TLR8: variants seen among roughly 807,000 people sequenced by gnomAD.
The protein encoded by TLR8 is toll like receptor 8.
Under a neutral mutation model 18.5 loss-of-function variants are expected in TLR8, and 5 were observed. The ratio of observed to expected loss-of-function variants is 0.27; its 90% CI spans 0.14 to 0.57. The LOEUF is 0.57. Among genes scored for constraint, TLR8 ranks in the 20% least tolerant of loss-of-function variants. TLR8 has a pLI of 0.92. For synonymous variants in TLR8, 299 were observed against 300.1 expected (o/e 1.00, Z 0.04); for missense variants, 543 against 769.8 (o/e 0.71, Z 3.49).
intron 1 of TLR8, among the ~76,000 whole-genome samples, chrX:12,916,161 C>T (rs1484690138): frequency 8.9e-6 from 1 of 111,972 alleles, no homozygotes; most frequent in Non-Finnish European, 1.9e-5. Context: ...TTATGGAAAT[C>T]TTCCCCAGTT....
chrX:12,914,685 T>C (rs1177916959), intron 1 of TLR8, among the ~76,000 whole-genome samples: 1 of 111,177 alleles, frequency 9.0e-6, no homozygotes, highest in Non-Finnish European at 1.9e-5. Context: ...AAATATCTCT[T>C]GAACGCGTTC....
chrX:12,909,295 T>A (rs2147253256), intron 1 of TLR8, among the ~76,000 whole-genome samples: 1 of 112,327 alleles, frequency 8.9e-6, no homozygotes, highest in Non-Finnish European at 1.9e-5. Context: ...TATGCATTTG[T>A]TTTTTAGCCC....
chrX:12,915,588 G>A (rs756717092), intron 1 of TLR8, among the ~76,000 whole-genome samples: 109 of 112,660 alleles, frequency 9.7e-4, no homozygotes, highest in African/African-American at 3.3e-3. Flanking sequence ...GAACCTCAAC[G>A]ACATCTCCAT....
In TLR8 at chrX:12,919,055, C is replaced by T; in HGVS notation, c.15C>T (p.Phe5=). The T allele has an allele frequency of 5.8e-6, 7 of 1,198,735 alleles. No individual in the cohort carries two copies. The South Asian group carries it at 1.3e-4, about 22-fold the overall frequency. ...TTGATTTTCCTTAGGAAAACATGTT[C>T]CTTCAGTCGTCAATGCTGACCTGCA... MENM[F]LQSSMLTCIF... The change falls in exon 2 of 2, where the codon TTC becomes TTT. Residue 5 remains phenylalanine, a synonymous_variant. Transcript: ENST00000218032.
chrX:12,911,523 C>T (rs1158960666), intron 1 of TLR8, among the ~76,000 whole-genome samples: 2 of 111,540 alleles, frequency 1.8e-5, no homozygotes, highest in Non-Finnish European at 3.8e-5. Context: ...TCAGGGCCCA[C>T]CTTAATTCAG....
chrX:12,918,205 G>C (rs1285710219), intron 1 of TLR8, among the ~76,000 whole-genome samples: 1 of 111,517 alleles, frequency 9.0e-6, no homozygotes, highest in Non-Finnish European at 1.9e-5. Flanking sequence ...TGTCACCATA[G>C]AAGTATAGAA....
intron 1 of TLR8, among the ~76,000 whole-genome samples, chrX:12,911,048 G>A (rs932562741): frequency 1.8e-5 from 2 of 109,867 alleles, no homozygotes; most frequent in Admixed American, 9.7e-5. Flanking sequence ...TCTGGACCAC[G>A]AAGACCCAGT....
Position 12,919,149 on chromosome X carries a change from G to C in TLR8, c.109G>C (p.Asp37His). 8.3e-7 allele frequency: 1 copy of C among 1,211,930 alleles called. No individual in the cohort carries two copies. ...AAATTTTTCTAGAAGCTATCCTTGT[G>C]ATGAGAAAAAGCAAAATGACTCAGT... ...EENFSRSYPC[D>H]EKKQNDSVIA... The change falls in exon 2 of 2, where the codon GAT becomes CAT. Residue 37 changes from aspartate (D) to histidine (H), a missense_variant. This residue lies in a region of TLR8 where 117 missense variants were observed against 111.0 expected (regional missense o/e 1.05). Transcript: ENST00000218032.
chrX:12,919,280 T>C lies in TLR8; in HGVS notation c.240T>C (p.Asn80=), dbSNP rs768531771. The C allele has an allele frequency of 8.3e-7, 1 of 1,211,793 alleles. No individual in the cohort carries two copies. Among genetic ancestry groups the C allele is most frequent in the South Asian group, 1.8e-5 (1 of 57,017 alleles). ...ATAATTTCATCACACACATAACGAA[T>C]GAATCATTTCAAGGGCTGCAAAATC... The part of the protein sequence containing the change: ...LSDNFITHIT[N]ESFQGLQNLT... The change falls in exon 2 of 2, where the codon AAT becomes AAC. Residue 80 remains asparagine, a synonymous_variant. Coordinates refer to ENST00000218032, the MANE Select transcript of TLR8 (RefSeq NM_138636.5).
chrX:12,910,394 G>A (rs764639681), intron 1 of TLR8: 2 of 1,166,181 alleles, frequency 1.7e-6, no homozygotes, highest in Admixed American at 2.6e-5. Context: ...GAATGAAGGA[G>A]TCATCTTTGC....
Position 12,920,206 on chromosome X carries a change from C to A in TLR8, c.1166C>A (p.Pro389His). 1 of 1,209,631 alleles carries A rather than the reference C, an allele frequency of 8.3e-7. No homozygotes were observed. Among genetic ancestry groups the A allele is most frequent in the Non-Finnish European group, 1.1e-6 (1 of 894,229 alleles). The part of the protein sequence containing the change: ...FQELREDDFQ[P>H]LMQLPNLSTI... ...GAACTCAGAGAAGATGATTTCCAGCCCCTGATGCAGCTTCCAAACTTATCG... is the reference window on the plus strand; with the variant it reads ...GAACTCAGAGAAGATGATTTCCAGCACCTGATGCAGCTTCCAAACTTATCG... Residue 389 changes from proline (P) to histidine (H), a missense_variant, in exon 2 of 2, where the codon CCC becomes CAC. Pro to His is a moderately conservative substitution (Grantham distance 77). This residue lies in a region of TLR8 where 185 missense variants were observed against 298.9 expected (regional missense o/e 0.62). Coordinates refer to ENST00000218032, the MANE Select transcript of TLR8 (RefSeq NM_138636.5).
Position 12,919,982 on chromosome X carries a change from G to A in TLR8, c.942G>A (p.Lys314=), listed in dbSNP as rs1602456189. The A allele has an allele frequency of 8.3e-7, 1 of 1,211,797 alleles. No individual in the cohort carries two copies. Among genetic ancestry groups the A allele is most frequent in the Non-Finnish European group, 1.1e-6 (1 of 895,576 alleles). ...AAWFKNMPHL[K]VLDLEFNYLV... ...GGTTTAAAAATATGCCTCATCTGAA[G>A]GTGCTGGATCTTGAATTCAACTATT... Residue 314 remains lysine (K), a synonymous_variant, in exon 2 of 2, where the codon AAG becomes AAA. Coordinates refer to ENST00000218032, the MANE Select transcript of TLR8 (RefSeq NM_138636.5).
intron 1 of TLR8, among the ~76,000 whole-genome samples, chrX:12,909,082 C>T (rs1253587294): frequency 1.8e-5 from 2 of 111,196 alleles, no homozygotes; most frequent in East Asian, 2.8e-4. Flanking sequence ...TTGAGGGGAA[C>T]GTCATTCCAA....
intron 1 of TLR8, 132 bp from the exon 2 acceptor site, chrX:12,918,912 T>A: frequency 1.4e-6 from 1 of 711,114 alleles, no homozygotes; most frequent in Non-Finnish European, 2.1e-6. Flanking sequence ...TCTGATGCAA[T>A]TTATTTAATT....
Position 12,920,703 on chromosome X carries a change from G to A in TLR8, c.1663G>A (p.Asp555Asn), listed in dbSNP as rs750369510. The A allele has an allele frequency of 1.8e-5, 22 of 1,210,370 alleles. No homozygotes were observed. The East Asian group carries it at 5.0e-4, about 28-fold the overall frequency. ...DNASALTELSDLEVLDLSYNS... is the reference protein window; with the variant it reads ...DNASALTELSNLEVLDLSYNS... ...TGCTAGTGCTCTTACTGAATTGTCC[G>A]ACTTGGAAGTTCTAGATCTCAGCTA... Residue 555 changes from aspartate (D) to asparagine (N), a missense_variant, in exon 2 of 2, where the codon GAC becomes AAC. Physicochemically the swap from Asp to Asn is conservative, Grantham distance 23 (BLOSUM62 1). Around this residue, in one of 4 missense-constraint regions of TLR8, gnomAD observed 185 missense variants for 298.9 expected, o/e 0.62. Transcript: ENST00000218032.
intron 1 of TLR8, among the ~76,000 whole-genome samples, chrX:12,907,002 C>G (rs1369105170): frequency 8.9e-6 from 1 of 112,029 alleles, no homozygotes; most frequent in Non-Finnish European, 1.9e-5. Context: ...AGAAATTGAA[C>G]TGGAAATATT....
Position 12,921,521 on chromosome X carries a change from T to C in TLR8, c.2481T>C (p.Thr827=). The change falls in exon 2 of 2, where the codon ACT becomes ACC. Residue 827 remains threonine, a synonymous_variant. Coordinates refer to ENST00000218032, the MANE Select transcript of TLR8 (RefSeq NM_138636.5). ...LELTTCVSDV[T]AVILFFFTFF... is the part of the protein sequence containing the mutation. Reference sequence around the variant, plus strand: ...TAACAACTTGTGTTTCAGATGTCACTGCAGTGATATTATTTTTCTTCACGT... The same window carrying C: ...TAACAACTTGTGTTTCAGATGTCACCGCAGTGATATTATTTTTCTTCACGT... The C allele has an allele frequency of 8.3e-7, 1 of 1,211,618 alleles. No individual in the cohort carries two copies. The highest frequency in any genetic ancestry group is 3.0e-5 in the East Asian group (1 of 33,872).
At chrX:12,916,430 C>T (rs902226000) in intron 1 of TLR8, among the ~76,000 whole-genome samples, 1 of 111,652 alleles carries the variant, frequency 9.0e-6, no homozygotes, top group Non-Finnish European at 1.9e-5. Context: ...AGGCTGAGAT[C>T]TGCTCAGGTG....
chrX:12,920,170 A>T lies in TLR8; in HGVS notation c.1130A>T (p.Tyr377Phe), dbSNP rs773695749. The T allele has an allele frequency of 8.3e-7, 1 of 1,211,365 alleles. No individual in the cohort carries two copies. Among genetic ancestry groups the T allele is most frequent in the South Asian group, 1.8e-5 (1 of 56,904 alleles). ...LSLRALHLRGYVFQELREDDF... is the reference protein window; with the variant it reads ...LSLRALHLRGFVFQELREDDF... ...CTACGGGCATTGCATTTAAGAGGTT[A>T]TGTGTTCCAGGAACTCAGAGAAGAT... Residue 377 changes from tyrosine (Y) to phenylalanine (F), a missense_variant, in exon 2 of 2, where the codon TAT (tyrosine) becomes TTT (phenylalanine). Coordinates refer to ENST00000218032, the MANE Select transcript of TLR8 (RefSeq NM_138636.5).
Sources: allele counts gnomAD v4.1 joint callset (sites outside exome capture counted in the v4.1 genomes callset), GRCh38; gene constraint gnomAD v4.1.1; regional missense constraint gnomAD v4.1.1; transcripts MANE v1.5; gene names NCBI Gene and HGNC (gene_info 2026-07-23, HGNC 2026-07-21).